The following IRAK3 variants were observed in gnomAD, a reference collection of about 807,000 sequenced individuals.
IRAK3 encodes interleukin 1 receptor associated kinase 3.
Under a neutral mutation model 56.6 loss-of-function variants are expected in IRAK3, and 57 were observed. The ratio of observed to expected loss-of-function variants is 1.01; its 90% CI spans 0.81 to 1.26. The LOEUF is 1.26. IRAK3 is among the 50% of genes most tolerant of loss of function. IRAK3 has a pLI of 0.00. For synonymous variants in IRAK3, 258 were observed against 255.7 expected (o/e 1.01, Z -0.09); for missense variants, 703 against 719.0 (o/e 0.98, Z 0.25).
At chr12:66,215,155 C>T (rs2052656503) in intron 5 of IRAK3, among the ~76,000 whole-genome samples, 1 of 152,114 alleles carries the variant, frequency 6.6e-6, no homozygotes, top group East Asian at 1.9e-4. Flanking sequence ...CTAGAGGTGG[C>T]CAAGCTAAAG....
rs1490054588 is a variant in IRAK3 at position 66,244,609 on chromosome 12, T to C, written c.1011T>C (p.His337=). Residue 337 remains histidine, a synonymous_variant, in exon 9 of 12, where the codon CAT becomes CAC. Transcript: ENST00000261233. ...ATATGACCAGCAGCAGCAGTAAACA[T>C]CTGTGGTACATGCCAGAAGAGTACA... ...TINMTSSSSK[H]LWYMPEEYIR... The C allele has an allele frequency of 6.2e-7, 1 of 1,614,026 alleles. No homozygotes were observed. Among genetic ancestry groups the C allele is most frequent in the Non-Finnish European group, 8.5e-7 (1 of 1,179,944 alleles).
intron 1 of IRAK3, among the ~76,000 whole-genome samples, chr12:66,201,501 G>A (rs571366866): frequency 6.6e-6 from 1 of 152,312 alleles, no homozygotes; most frequent in East Asian, 1.9e-4. Context: ...GTTAATTTTA[G>A]TGCTCAATAT....
rs2052917862 is a variant in IRAK3 at position 66,237,253 on chromosome 12, T to C, written c.888-7233T>C. On this transcript the variant is annotated intron_variant, in intron 8 of 11. Coordinates refer to ENST00000261233, the MANE Select transcript of IRAK3 (RefSeq NM_007199.3). ...CAGGCCTGGCAATGAGCTGTAATTA[T>C]CCCCCCACAATGTGAGAAAAGTGCT... 3.3e-5 allele frequency among the ~76,000 whole-genome samples: 5 copies of C among 152,136 alleles called. No individual in the cohort carries two copies. The South Asian group carries it at 1.0e-3, about 32-fold the overall frequency.
intron 6 of IRAK3, among the ~76,000 whole-genome samples, chr12:66,220,376 C>G (rs1277084427): frequency 6.7e-6 from 1 of 149,740 alleles, no homozygotes; most frequent in African/African-American, 2.5e-5. Flanking sequence ...AGGTTTATTT[C>G]TGTTATTTTT....
At chr12:66,193,518 T>C (rs2052419679) in intron 1 of IRAK3, among the ~76,000 whole-genome samples, 1 of 152,220 alleles carries the variant, frequency 6.6e-6, no homozygotes, top group Non-Finnish European at 1.5e-5. Context: ...CCTTTGCTTT[T>C]ACCCGATGTC....
chr12:66,222,426 T>A (rs1337129494), intron 6 of IRAK3, among the ~76,000 whole-genome samples: 1 of 152,270 alleles, frequency 6.6e-6, no homozygotes, highest in Admixed American at 6.5e-5. Context: ...TAGGAATCCA[T>A]CTATTTCTTT....
intron 6 of IRAK3, among the ~76,000 whole-genome samples, chr12:66,223,825 T>C (rs2052760184): frequency 6.6e-6 from 1 of 151,142 alleles, no homozygotes; most frequent in African/African-American, 2.4e-5. Context: ...GCCATTCTTC[T>C]GCCTCAGCCT....
chr12:66,193,209 C>T (rs1592572203), intron 1 of IRAK3, among the ~76,000 whole-genome samples: 1 of 152,020 alleles, frequency 6.6e-6, no homozygotes, highest in Admixed American at 6.6e-5. Context: ...GACAGGGTTT[C>T]TCCATGTTGG....
chr12:66,216,520 G>C, intron 5 of IRAK3, among the ~76,000 whole-genome samples: 1 of 152,134 alleles, frequency 6.6e-6, no homozygotes, highest in East Asian at 1.9e-4. Context: ...TCTTTTGGTA[G>C]AAGTTGGAAA....
At chr12:66,189,822 G>A (rs2052382699) in intron 1 of IRAK3, among the ~76,000 whole-genome samples, 1 of 152,152 alleles carries the variant, frequency 6.6e-6, no homozygotes, top group Admixed American at 6.5e-5. Flanking sequence ...TTAGAACTTT[G>A]AGATACTTAT....
chr12:66,197,946 G>A (rs1336959893), intron 1 of IRAK3: 2 of 985,258 alleles, frequency 2.0e-6, no homozygotes, highest in Non-Finnish European at 2.4e-6. Flanking sequence ...GGAATTTATG[G>A]AAAGTATGGA....
intron 8 of IRAK3, among the ~76,000 whole-genome samples, chr12:66,243,501 G>T (rs186792222): frequency 6.6e-6 from 1 of 152,336 alleles, no homozygotes; most frequent in East Asian, 1.9e-4. Flanking sequence ...AAGCAAAGCT[G>T]GGAATTGCAT....
intron 2 of IRAK3, among the ~76,000 whole-genome samples, chr12:66,205,344 G>T (rs895459189): frequency 6.6e-6 from 1 of 152,082 alleles, no homozygotes; most frequent in Non-Finnish European, 1.5e-5. Context: ...GAGATTAGCC[G>T]ATTGGTAAAA....
chr12:66,240,878 C>A (rs1152915), intron 8 of IRAK3, among the ~76,000 whole-genome samples: 96,236 of 149,514 alleles, frequency 0.64, 36,183 homozygotes, highest in Non-Finnish European at 0.83. Flanking sequence ...GTATATATAT[C>A]TCTCTCTCTT....
chr12:66,190,313 T>C (rs2052387041), intron 1 of IRAK3, among the ~76,000 whole-genome samples: 1 of 152,118 alleles, frequency 6.6e-6, no homozygotes, highest in Non-Finnish European at 1.5e-5. Flanking sequence ...CTTTGAATTG[T>C]AGCAATGGGC....
At chr12:66,196,323 G>A (rs1443564998) in intron 1 of IRAK3, among the ~76,000 whole-genome samples, 2 of 152,066 alleles carry the variant, frequency 1.3e-5, no homozygotes, top group East Asian at 3.9e-4. Context: ...AAACCTTGTT[G>A]GGCAGAATCT....
At chr12:66,217,143 T>G in intron 5 of IRAK3, 28 bp from the exon 6 acceptor site, 1 of 1,515,068 alleles carries the variant, frequency 6.6e-7, no homozygotes, top group East Asian at 2.3e-5. Flanking sequence ...CTTTCCTTAA[T>G]TTTGTTCTTG....
In IRAK3 at chr12:66,247,892, A is replaced by T. The variant is rs1174747708; in HGVS notation, c.1512A>T (p.Lys504Asn). ...EGLRIDRMTQ[K>N]TPFECSQSEV... ...TGAGGATAGACAGAATGACTCAGAA[A>T]ACTCCTTTTGAATGCAGCCAGTCTG... The change falls in exon 12 of 12, where the codon AAA (lysine) becomes AAT (asparagine). Residue 504 changes from lysine (K) to asparagine (N), a missense_variant. Coordinates refer to ENST00000261233, the MANE Select transcript of IRAK3 (RefSeq NM_007199.3). The T allele has an allele frequency of 1.2e-6, 2 of 1,614,088 alleles. No individual in the cohort carries two copies. Among genetic ancestry groups the T allele is most frequent in the African/African-American group, 2.7e-5 (2 of 74,914 alleles).
At chr12:66,229,570 G>A (rs758779901) in intron 8 of IRAK3, among the ~76,000 whole-genome samples, 8 of 152,174 alleles carry the variant, frequency 5.3e-5, no homozygotes, top group Non-Finnish European at 1.2e-4. Flanking sequence ...GTTCTAGAGG[G>A]GCGGGGTGAC....
Sources: gnomAD v4.1 joint callset for allele counts (sites outside exome capture counted in the v4.1 genomes callset) on GRCh38, gnomAD v4.1.1 for gene constraint, MANE v1.5 for transcripts, NCBI Gene and HGNC (gene_info 2026-07-23, HGNC 2026-07-21) for gene names.